The following TMEM62 variants were observed in gnomAD, a reference collection of about 807,000 sequenced individuals.
TMEM62 encodes the protein transmembrane protein 62.
A neutral mutation model predicts 70.4 loss-of-function variants in TMEM62; 41 were observed. That is an observed-to-expected ratio of 0.58 (90% confidence interval 0.45 to 0.76). TMEM62 has a LOEUF of 0.76. TMEM62 is among the 30% of genes least tolerant of loss of function. TMEM62 has a pLI of 0.00. For missense variants in TMEM62, 688 were observed against 788.5 expected, an observed-to-expected ratio of 0.87 and a Z score of 1.53; for synonymous variants, 268 against 291.0, an observed-to-expected ratio of 0.92 and a Z score of 0.80.
rs1176823588 is a variant in TMEM62, at chr15:43,134,249, T to C, written c.181-8T>C. On this transcript the variant is annotated splice_region_variant and splice_polypyrimidine_tract_variant and intron_variant, in intron 1 of 13. Coordinates refer to ENST00000260403, the MANE Select transcript of TMEM62 (RefSeq NM_024956.4). ...CAGATCTCTCTGTTCAATACCTGTT[T>C]TCGGCAGATATCCGACATTCACCTG... is the stretch of plus-strand genomic sequence containing the variant. 2 of 1,613,502 alleles carry C rather than the reference T, an allele frequency of 1.2e-6. No homozygotes were observed. The highest frequency in any genetic ancestry group is 3.3e-5 in the Admixed American group (2 of 60,026).
At position 43,184,280 on chromosome 15, in the gene TMEM62, C is replaced by T. The variant is rs1567252927; in HGVS notation, c.1626C>T (p.Pro542=). Residue 542 remains proline, a synonymous_variant, in exon 14 of 14, where the codon CCC becomes CCT. Transcript: ENST00000260403. ...TCCAGCTGGCGTTTTTTAACATCCC[C>T]TTGATGGCTTACATGTGTTGGAGCT... ...GILQLAFFNI[P]LMAYMCWSLL... The T allele has an allele frequency of 6.2e-7, 1 of 1,613,480 alleles. No individual in the cohort carries two copies. Among genetic ancestry groups the T allele is most frequent in the Admixed American group, 1.7e-5 (1 of 59,962 alleles).
At chr15:43,167,970 G>A (rs943758509) in intron 10 of TMEM62, among the ~76,000 whole-genome samples, 5 of 152,102 alleles carry the variant, frequency 3.3e-5, no homozygotes, top group Middle Eastern at 3.2e-3. Flanking sequence ...AAAAAAATAC[G>A]AAAACCAGTC....
chr15:43,151,366 G>T (rs1156448818), intron 7 of TMEM62, among the ~76,000 whole-genome samples: 7 of 148,074 alleles, frequency 4.7e-5, no homozygotes, highest in Admixed American at 1.3e-4. Context: ...AAGCATGAAA[G>T]ATTTCTAATT....
intron 6 of TMEM62, 48 bp downstream of exon 6, chr15:43,148,927 A>C (rs754175216): frequency 1.2e-6 from 2 of 1,602,292 alleles, no homozygotes; most frequent in Admixed American, 3.4e-5. Context: ...TAGTTTTTTT[A>C]TTTTGCTGTT....
chr15:43,139,683 C>T (rs893336105), intron 4 of TMEM62, among the ~76,000 whole-genome samples: 1 of 152,218 alleles, frequency 6.6e-6, no homozygotes, highest in Non-Finnish European at 1.5e-5. Flanking sequence ...AAACCACCTA[C>T]AACATTCACT....
At chr15:43,148,986 C>T (rs780924390) in intron 6 of TMEM62, 43 bp from the exon 7 acceptor site, 13 of 1,610,552 alleles carry the variant, frequency 8.1e-6, no homozygotes, top group African/African-American at 6.7e-5. Context: ...TGGCCTCACG[C>T]GTTATCTTTG....
At chr15:43,140,951 G>A (rs1186201562) in intron 4 of TMEM62, among the ~76,000 whole-genome samples, 1 of 152,146 alleles carries the variant, frequency 6.6e-6, no homozygotes, top group African/African-American at 2.4e-5. Context: ...TTCCACACAC[G>A]AGCCCATAGT....
intron 4 of TMEM62, among the ~76,000 whole-genome samples, chr15:43,141,485 C>T (rs1330097077): frequency 6.6e-6 from 1 of 152,190 alleles, no homozygotes; most frequent in Non-Finnish European, 1.5e-5. Flanking sequence ...TTCAAAATAT[C>T]AATGGTCATT....
intron 13 of TMEM62, among the ~76,000 whole-genome samples, chr15:43,181,552 A>G (rs1359797785): frequency 2.0e-5 from 3 of 152,236 alleles, no homozygotes; most frequent in African/African-American, 7.2e-5. Context: ...CCCAGGCTGA[A>G]GCACAGTGGT....
intron 3 of TMEM62, among the ~76,000 whole-genome samples, chr15:43,136,246 A>T (rs1045193452): frequency 6.6e-6 from 1 of 152,286 alleles, no homozygotes; most frequent in Admixed American, 6.5e-5. Context: ...GGATTGGGAG[A>T]GAGATTAACT....
chr15:43,151,828 T>C lies in TMEM62; in HGVS notation c.905T>C (p.Phe302Ser). ...GCTTTTGATCACGACCTCTTTAGCT[T>C]TGCAGATTTGATCTTTGGGAAGTGG... ...IFAFDHDLFSFADLIFGKWPV... is the reference protein window; with the variant it reads ...IFAFDHDLFSSADLIFGKWPV... Residue 302 changes from phenylalanine (F) to serine (S), a missense_variant, in exon 8 of 14, where the codon TTT becomes TCT. Physicochemically the swap from Phe to Ser is radical, Grantham distance 155. Coordinates refer to ENST00000260403, the MANE Select transcript of TMEM62 (RefSeq NM_024956.4). The C allele has an allele frequency of 1.2e-6, 2 of 1,614,066 alleles. No individual in the cohort carries two copies. Among genetic ancestry groups the C allele is most frequent in the South Asian group, 1.1e-5 (1 of 91,070 alleles).
chr15:43,137,985 C>G (rs1371136713), intron 3 of TMEM62, among the ~76,000 whole-genome samples: 1 of 152,244 alleles, frequency 6.6e-6, no homozygotes, highest in Non-Finnish European at 1.5e-5. Flanking sequence ...CCAGCCCTGG[C>G]CCCTATCCTG....
Position 43,185,006 on chromosome 15 carries a change from G to C in TMEM62, c.*420G>C. The C allele has an allele frequency of 4.0e-6, 1 of 249,610 alleles. No individual in the cohort carries two copies. The highest frequency in any genetic ancestry group is 7.8e-6 in the Non-Finnish European group (1 of 127,870). The allele number at this position is 249,610 out of a possible 1,614,324, so 15.5% of individuals were successfully genotyped here. A position where few individuals can be genotyped will look rare whatever the true frequency, so the allele number is the denominator to read the frequency against. On this transcript the variant is annotated 3_prime_UTR_variant, in exon 14 of 14. Transcript: ENST00000260403. ...GCAATTTCAGGGGCAGGGAACCTTT[G>C]AGGATCTGGGCCCGACCCTCACTAC...
At chr15:43,141,018 A>T (rs915075117) in intron 4 of TMEM62, among the ~76,000 whole-genome samples, 3 of 152,170 alleles carry the variant, frequency 2.0e-5, no homozygotes, top group African/African-American at 7.2e-5. Context: ...AGCTCCCAGA[A>T]TGCTACTAGC....
Position 43,184,375 on chromosome 15 carries a change from C to T in TMEM62, c.1721C>T (p.Pro574Leu). 1 of 1,614,194 alleles carries T rather than the reference C, an allele frequency of 6.2e-7. No individual in the cohort carries two copies. The highest frequency in any genetic ancestry group is 8.5e-7 in the Non-Finnish European group (1 of 1,180,030). ...CAAAGAAAATACTTGAAAATTATGC[C>T]TGTTCACCTACTTATGCTACTGCTG... Reference protein sequence around the residue: ...LHQRKYLKIMPVHLLMLLLYI... With the variant: ...LHQRKYLKIMLVHLLMLLLYI... Residue 574 changes from proline to leucine, a missense_variant, in exon 14 of 14, where the codon CCT (proline) becomes CTT (leucine). Pro to Leu is a moderately conservative substitution (Grantham distance 98). Transcript: ENST00000260403.
chr15:43,156,016 C>T (rs1031834268), intron 9 of TMEM62, among the ~76,000 whole-genome samples: 1 of 151,650 alleles, frequency 6.6e-6, no homozygotes, highest in Non-Finnish European at 1.5e-5. Context: ...ATAAGCTGTG[C>T]TCAGAAATTA....
chr15:43,150,753 C>T (rs1352199257), intron 7 of TMEM62, among the ~76,000 whole-genome samples: 2 of 152,182 alleles, frequency 1.3e-5, no homozygotes, highest in Non-Finnish European at 2.9e-5. Context: ...GCAAGGAGAA[C>T]TCACACCCAC....
At chr15:43,168,048 G>T (rs1176995583) in intron 10 of TMEM62, among the ~76,000 whole-genome samples, 1 of 152,064 alleles carries the variant, frequency 6.6e-6, no homozygotes. Flanking sequence ...CAGGCCGGGA[G>T]GTTGCAGTGA....
At chr15:43,135,689 T>G (rs756588006) in intron 3 of TMEM62, 40 bp downstream of exon 3, 1 of 1,530,930 alleles carries the variant, frequency 6.5e-7, no homozygotes, top group Non-Finnish European at 8.7e-7. Context: ...ACAAGAGTTT[T>G]TTTCCCCCTT....
Sources: gnomAD v4.1 joint callset for allele counts (sites outside exome capture counted in the v4.1 genomes callset) on GRCh38, gnomAD v4.1.1 for gene constraint, MANE v1.5 for transcripts, NCBI Gene and HGNC (gene_info 2026-07-23, HGNC 2026-07-21) for gene names.